The following SRPRB variants were observed in gnomAD, a reference collection of about 807,000 sequenced individuals.
SRPRB encodes SRP receptor subunit beta, also known as signal recognition particle receptor subunit beta.
Under a neutral mutation model 31.9 loss-of-function variants are expected in SRPRB, and 20 were observed. That is an observed-to-expected ratio of 0.63 (90% confidence interval 0.44 to 0.91). The LOEUF is 0.91. Among genes scored for constraint, SRPRB ranks in the 40% least tolerant of loss-of-function variants. The pLI, the probability that SRPRB is intolerant of heterozygous loss-of-function variation, is 0.00. For synonymous variants in SRPRB, 146 were observed against 132.8 expected (o/e 1.10, Z -0.68); for missense variants, 321 against 324.9 (o/e 0.99, Z 0.09).
At chr3:133,814,470 G>C (rs1218390068) in intron 4 of SRPRB, among the ~76,000 whole-genome samples, 1 of 150,410 alleles carries the variant, frequency 6.6e-6, no homozygotes, top group Non-Finnish European at 1.5e-5. Flanking sequence ...ATGGAGTTTC[G>C]CTTTGTCACC....
rs1204401349 is a variant in SRPRB at position 133,820,600 on chromosome 3, T to A, written c.*834T>A. ...CCTGGCTAGAATGCTGTGGAACAAA[T>A]ACAAAGTGAAAAAAGTTCTCTGTAG... On this transcript the variant is annotated 3_prime_UTR_variant, in exon 7 of 7. Coordinates refer to ENST00000678299, the MANE Select transcript of SRPRB (RefSeq NM_001379313.1). 1 of 151,812 alleles carries A rather than the reference T, an allele frequency of 6.6e-6. No homozygotes were observed. The highest frequency in any genetic ancestry group is 2.4e-5 in the African/African-American group (1 of 41,320). The allele number at this position is 151,812 out of a possible 1,614,324, so 9.4% of individuals were successfully genotyped here. A position where few individuals can be genotyped will look rare whatever the true frequency, so the allele number is the denominator to read the frequency against.
In SRPRB at chr3:133,815,743, T is replaced by C. The variant is rs762970342; in HGVS notation, c.547+17T>C. 6.2e-7 allele frequency: 1 copy of C among 1,610,024 alleles called. No individual in the cohort carries two copies. The highest frequency in any genetic ancestry group is 8.5e-7 in the Non-Finnish European group (1 of 1,177,110). Reference sequence around the variant, plus strand: ...ATAAGCAAGGTGCCATCATGTTTTCTTGCAATAATAATTGAGTTTTTTGGG... The same window carrying C: ...ATAAGCAAGGTGCCATCATGTTTTCCTGCAATAATAATTGAGTTTTTTGGG... On this transcript the variant is annotated intron_variant, in intron 5 of 6. Coordinates refer to ENST00000678299, the MANE Select transcript of SRPRB (RefSeq NM_001379313.1).
downstream of SRPRB, chr3:133,827,375 T>C (rs1935581404): frequency 6.5e-6 from 1 of 152,970 alleles, no homozygotes. Context: ...CTGTGCAGGC[T>C]CAGGGCAGTG....
rs1935144215 is a variant in SRPRB, at chr3:133,805,880, A to T, written c.32A>T (p.Asp11Val). 1 of 1,612,640 alleles carries T rather than the reference A, an allele frequency of 6.2e-7. No homozygotes were observed. The highest frequency in any genetic ancestry group is 8.5e-7 in the Non-Finnish European group (1 of 1,179,398). MASADSRRVA[D>V]GGGAGGTFQP... ...TCCGCGGACTCGCGCCGGGTGGCAGATGGCGGCGGTGCCGGGGGCACCTTC... is the reference window on the plus strand; with the variant it reads ...TCCGCGGACTCGCGCCGGGTGGCAGTTGGCGGCGGTGCCGGGGGCACCTTC... Residue 11 changes from aspartate to valine, a missense_variant, in exon 1 of 7, where the codon GAT becomes GTT. Coordinates refer to ENST00000678299, the MANE Select transcript of SRPRB (RefSeq NM_001379313.1).
At chr3:133,807,291 A>G (rs1054094692) in intron 2 of SRPRB, among the ~76,000 whole-genome samples, 1 of 141,630 alleles carries the variant, frequency 7.1e-6, no homozygotes, top group African/African-American at 2.7e-5. Context: ...TCTCACTCCA[A>G]TGCCCAGGCT....
At chr3:133,784,508 A>G (rs1007746069) in intron 1 of SRPRB, 113 of 151,150 alleles carry the variant, frequency 7.5e-4, no homozygotes, top group African/African-American at 2.6e-3. Flanking sequence ...TAATAATAAT[A>G]GGACATAAAT....
At chr3:133,799,513 G>C (rs1020814993) in intron 1 of SRPRB, among the ~76,000 whole-genome samples, 1 of 152,052 alleles carries the variant, frequency 6.6e-6, no homozygotes, top group Non-Finnish European at 1.5e-5. Flanking sequence ...CAGTAGCCTT[G>C]GAAGGACAGA....
chr3:133,787,342 A>G (rs1238315016), intron 1 of SRPRB: 2 of 152,204 alleles, frequency 1.3e-5, no homozygotes, highest in Non-Finnish European at 2.9e-5. Context: ...GTACCTGTCC[A>G]CTGGATTGAA....
chr3:133,798,854 C>T (rs72976303), intron 1 of SRPRB, among the ~76,000 whole-genome samples: 2,481 of 151,944 alleles, frequency 0.016, 52 homozygotes, highest in African/African-American at 0.056. Flanking sequence ...CTAAAATGCA[C>T]GTTAGCTTTT....
rs1363059745 is a variant in SRPRB at position 133,806,546 on chromosome 3, G to A, written c.155-63G>A. 7.1e-6 allele frequency: 9 copies of A among 1,267,196 alleles called. No individual in the cohort carries two copies. The East Asian group carries it at 1.6e-4, about 23-fold the overall frequency. The allele number at this position is 1,267,196 out of a possible 1,614,324, so 78.5% of individuals were successfully genotyped here. On this transcript the variant is annotated intron_variant, in intron 1 of 6. Transcript: ENST00000678299. ...GACTTCTGTGAATTTCCCCACCCCA[G>A]CCATGCACATATACTGATTCCCAAG...
rs866335920 is a variant in SRPRB at position 133,819,729 on chromosome 3, T to C, written c.779T>C (p.Ile260Thr). ...GGRGDVGSAD[I>T]QDLEKWLAKI... ...AGAGGGGACGTGGGCTCTGCTGACA[T>C]CCAGGACTTGGAGAAATGGCTGGCT... The change falls in exon 7 of 7, where the codon ATC (isoleucine) becomes ACC (threonine). Residue 260 changes from isoleucine (I) to threonine (T), a missense_variant. Transcript: ENST00000678299. The C allele has an allele frequency of 7.4e-6, 12 of 1,614,102 alleles. No individual in the cohort carries two copies. The African/African-American group carries it at 9.3e-5, about 13-fold the overall frequency.
downstream of SRPRB, chr3:133,824,867 G>C (rs558789042): frequency 6.6e-6 from 1 of 152,234 alleles, no homozygotes; most frequent in Admixed American, 6.5e-5. Context: ...TTCACACACA[G>C]GGCAGCAATG....
chr3:133,806,344 T>G (rs1222756976), intron 1 of SRPRB, among the ~76,000 whole-genome samples: 1 of 152,216 alleles, frequency 6.6e-6, no homozygotes, highest in Admixed American at 6.5e-5. Flanking sequence ...CTCCCGTGTT[T>G]GCGTGCGGGC....
intron 2 of SRPRB, 89 bp downstream of exon 2, chr3:133,806,792 A>C: frequency 2.9e-6 from 3 of 1,043,866 alleles, no homozygotes; most frequent in Non-Finnish European, 4.4e-6. Context: ...TATTTTGTAA[A>C]AGAAGCTGAT....
At chr3:133,806,563 A>G in intron 1 of SRPRB, 46 bp from the exon 2 acceptor site, 2 of 1,511,964 alleles carry the variant, frequency 1.3e-6, no homozygotes, top group Non-Finnish European at 1.8e-6. Context: ...ACATATACTG[A>G]TTCCCAAGGC....
At chr3:133,827,751 C>CCCA, downstream of SRPRB, 2 of 66,296 alleles carry the variant, frequency 3.0e-5, no homozygotes, top group South Asian at 2.8e-4. Context: ...ACAACACCCC[C>CCCA]CCCCCCCCCC....
chr3:133,818,996 T>TA (rs1229361300), intron 6 of SRPRB, among the ~76,000 whole-genome samples: 6 of 152,250 alleles, frequency 3.9e-5, no homozygotes, highest in African/African-American at 1.4e-4. Context: ...GAGTGTTGCT[T>TA]ATGCACCCTT....
upstream of SRPRB, chr3:133,805,521 G>C (rs1203845161): frequency 3.5e-5 from 8 of 229,100 alleles, no homozygotes; most frequent in East Asian, 7.1e-4. Context: ...CGACGGTCGG[G>C]AACTCCTCAG....
intron 6 of SRPRB, among the ~76,000 whole-genome samples, chr3:133,819,256 T>C (rs1204662383): frequency 6.6e-6 from 1 of 152,128 alleles, no homozygotes; most frequent in Admixed American, 6.5e-5. Context: ...GACGGCTTCA[T>C]TCAGTAGATC....
Sources: allele counts gnomAD v4.1 joint callset (sites outside exome capture counted in the v4.1 genomes callset), GRCh38; gene constraint gnomAD v4.1.1; transcripts MANE v1.5; gene names NCBI Gene and HGNC (gene_info 2026-07-23, HGNC 2026-07-21).